The following PHF14 variants were observed in gnomAD, a reference collection of about 807,000 sequenced individuals.
The protein encoded by PHF14 is PHD finger protein 14.
In PHF14, 55 loss-of-function variants were observed where a neutral mutation model predicts 117.9. That is an observed-to-expected ratio of 0.47 (90% CI 0.38 to 0.58). The LOEUF (loss-of-function observed/expected upper bound fraction) is 0.58, where lower values mean the gene tolerates loss of function less well. PHF14 is among the 20% of genes least tolerant of loss of function. The pLI is 0.00. For synonymous variants in PHF14, 409 were observed against 368.6 expected (o/e 1.11, Z -1.26); for missense variants, 978 against 1,122.2 (o/e 0.87, Z 1.84).
chr7:11,098,003 T>A (rs1786941433), intron 16 of PHF14, among the ~76,000 whole-genome samples: 1 of 152,174 alleles, frequency 6.6e-6, no homozygotes, highest in African/African-American at 2.4e-5. Flanking sequence ...AAATCTATCA[T>A]ATTCCTTTAA....
At chr7:11,127,091 G>A (rs905762755) in intron 17 of PHF14, among the ~76,000 whole-genome samples, 3 of 151,782 alleles carry the variant, frequency 2.0e-5, no homozygotes, top group African/African-American at 7.3e-5. Context: ...AGCTTTTCCA[G>A]TTACCTTTAG....
At chr7:11,145,098 T>A (rs1788508087) in intron 17 of PHF14, among the ~76,000 whole-genome samples, 1 of 151,974 alleles carries the variant, frequency 6.6e-6, no homozygotes, top group East Asian at 1.9e-4. Context: ...AAGATGGTAA[T>A]TTTTATGTCT....
intron 4 of PHF14, among the ~76,000 whole-genome samples, chr7:11,008,372 C>T (rs1265606135): frequency 6.6e-6 from 1 of 152,158 alleles, no homozygotes; most frequent in Non-Finnish European, 1.5e-5. Flanking sequence ...GGTACTGGTC[C>T]TTGGCCTGTT....
chr7:10,990,170 A>G (rs920928540), intron 3 of PHF14, among the ~76,000 whole-genome samples: 10 of 152,212 alleles, frequency 6.6e-5, no homozygotes, highest in African/African-American at 1.2e-4. Context: ...CTTAAGGAGT[A>G]TAGAGTCCTT....
intron 13 of PHF14, among the ~76,000 whole-genome samples, chr7:11,047,511 A>C (rs1784709275): frequency 1.3e-5 from 2 of 151,628 alleles, no homozygotes; most frequent in Admixed American, 6.6e-5. Flanking sequence ...AAAATTGAGA[A>C]AAGGCCAGAC....
At chr7:11,145,353 C>G (rs1290779162) in intron 17 of PHF14, among the ~76,000 whole-genome samples, 1 of 151,842 alleles carries the variant, frequency 6.6e-6, no homozygotes, top group African/African-American at 2.4e-5. Context: ...ACAGTTCTTC[C>G]TAGAATGTGC....
At chr7:11,108,829 A>G (rs1341562173) in intron 16 of PHF14, 3 of 151,808 alleles carry the variant, frequency 2.0e-5, no homozygotes, top group Non-Finnish European at 1.5e-5. Flanking sequence ...AAGGTGATAA[A>G]TAATGAATTA....
chr7:11,054,647 A>G (rs1784954134), intron 14 of PHF14, among the ~76,000 whole-genome samples: 1 of 152,072 alleles, frequency 6.6e-6, no homozygotes, highest in African/African-American at 2.4e-5. Flanking sequence ...TGTTTCTTAG[A>G]ACAGTGTTAA....
intron 4 of PHF14, among the ~76,000 whole-genome samples, chr7:10,998,526 A>G (rs1782744920): frequency 6.6e-6 from 1 of 152,192 alleles, no homozygotes; most frequent in South Asian, 2.1e-4. Flanking sequence ...ATTAATATAA[A>G]TATATTCATA....
intron 16 of PHF14, among the ~76,000 whole-genome samples, chr7:11,096,473 T>C (rs1039285184): frequency 6.6e-6 from 1 of 152,198 alleles, no homozygotes; most frequent in Non-Finnish European, 1.5e-5. Flanking sequence ...AGTTTTTGAA[T>C]GCTAATACAG....
At chr7:11,120,846 TG>T (rs1787730291) in intron 17 of PHF14, among the ~76,000 whole-genome samples, 1 of 152,266 alleles carries the variant, frequency 6.6e-6, no homozygotes, top group South Asian at 2.1e-4. Flanking sequence ...CTGCCTGGTA[TG>T]AATAATAGGA....
At chr7:11,018,546 A>G (rs1783609213) in intron 5 of PHF14, among the ~76,000 whole-genome samples, 1 of 152,064 alleles carries the variant, frequency 6.6e-6, no homozygotes, top group Non-Finnish European at 1.5e-5. Context: ...TTTTCAGATT[A>G]TTCACTGTTG....
Position 11,135,989 on chromosome 7 carries a change from TAAAA to T in PHF14, c.2772+24526_2772+24529del, listed in dbSNP as rs199909426. 4.8e-3 allele frequency among the ~76,000 whole-genome samples: 728 copies of T among 152,240 alleles called. 6 individuals are homozygous for T. The highest frequency in any genetic ancestry group is 0.017 in the African/African-American group (718 of 41,536). On this transcript the variant is annotated intron_variant, in intron 17 of 17. Coordinates refer to ENST00000634607, the MANE Select transcript of PHF14 (RefSeq NM_001007157.2). ...ATTCCTCGTTAAAGTTAACTGGTAT[TAAAA>T]AAAGAAAGAGAAGAAAATGTAGAAA...
intron 16 of PHF14, among the ~76,000 whole-genome samples, chr7:11,076,963 A>AAT (rs957683157): frequency 6.6e-6 from 1 of 151,474 alleles, no homozygotes; most frequent in East Asian, 1.9e-4. Context: ...ATATAATACT[A>AAT]ATATATATGT....
intron 4 of PHF14, among the ~76,000 whole-genome samples, chr7:10,994,651 G>C (rs1782569704): frequency 6.6e-6 from 1 of 152,130 alleles, no homozygotes. Flanking sequence ...CTTCAAGAAT[G>C]AAGCTGTGGA....
intron 4 of PHF14, among the ~76,000 whole-genome samples, chr7:10,995,630 G>A (rs372740552): frequency 1.3e-5 from 2 of 152,176 alleles, no homozygotes; most frequent in Admixed American, 6.5e-5. Flanking sequence ...CTCAGGCCAC[G>A]CAGGAGCCCA....
intron 16 of PHF14, among the ~76,000 whole-genome samples, chr7:11,066,660 C>T (rs1785435055): frequency 1.3e-5 from 2 of 152,296 alleles, no homozygotes; most frequent in African/African-American, 4.8e-5. Context: ...TTCCCAGTAT[C>T]ATTTGTTGAA....
At position 11,111,893 on chromosome 7, in the gene PHF14, T is replaced by C. The variant is rs967866202; in HGVS notation, c.2772+426T>C. Reference sequence around the variant, plus strand: ...AAATATAATATATTGTAATATCTTATAGAATCTGTTCCTTTAAAAAAAAAA... The same window carrying C: ...AAATATAATATATTGTAATATCTTACAGAATCTGTTCCTTTAAAAAAAAAA... On this transcript the variant is annotated intron_variant, in intron 17 of 17. Coordinates refer to ENST00000634607, the MANE Select transcript of PHF14 (RefSeq NM_001007157.2). Among the ~76,000 whole-genome samples, 5 of 91,960 alleles carry C rather than the reference T, an allele frequency of 5.4e-5. No individual in the cohort carries two copies. In the East Asian group the frequency reaches 1.6e-3, roughly 29 times the overall value. The allele number at this position is 91,960 out of a possible 152,430, so 60.3% of individuals were successfully genotyped here. A position where few individuals can be genotyped will look rare whatever the true frequency, so the allele number is the denominator to read the frequency against.
chr7:11,120,928 A>C (rs1159074875), intron 17 of PHF14, among the ~76,000 whole-genome samples: 1 of 152,164 alleles, frequency 6.6e-6, no homozygotes, highest in Non-Finnish European at 1.5e-5. Context: ...AGAAATATCC[A>C]AGAAATTTTT....
Sources: allele counts gnomAD v4.1 joint callset (sites outside exome capture counted in the v4.1 genomes callset), GRCh38; gene constraint gnomAD v4.1.1; transcripts MANE v1.5; gene names NCBI Gene and HGNC (gene_info 2026-07-23, HGNC 2026-07-21).